Variants in CDKL3 observed in about 807,000 individuals in gnomAD.
CDKL3 encodes cyclin dependent kinase like 3.
In CDKL3, 65 loss-of-function variants were observed where a neutral mutation model predicts 69.3. The observed-to-expected ratio is 0.94, with a 90% CI of 0.77 to 1.15. The LOEUF is 1.15. Ranked by LOEUF, CDKL3 falls within the 50% of genes most tolerant of loss-of-function variation. CDKL3 has a pLI of 0.00. For synonymous variants in CDKL3, 202 were observed against 221.6 expected (o/e 0.91, Z 0.79); for missense variants, 652 against 689.2 (o/e 0.95, Z 0.61).
intron 8 of CDKL3, among the ~76,000 whole-genome samples, chr5:134,290,004 C>T (rs2149403865): frequency 6.6e-6 from 1 of 152,052 alleles, no homozygotes; most frequent in East Asian, 1.9e-4. Context: ...TTAATGTGTG[C>T]CAATATATGT....
intron 5 of CDKL3, among the ~76,000 whole-genome samples, chr5:134,320,902 A>T (rs1293623864): frequency 2.0e-5 from 3 of 151,932 alleles, no homozygotes; most frequent in Non-Finnish European, 1.5e-5. Flanking sequence ...TTTAAAATTT[A>T]AAAAACCCAC....
intron 9 of CDKL3, 99 bp downstream of exon 9, chr5:134,308,039 C>T (rs1039756482): frequency 6.9e-7 from 1 of 1,442,546 alleles, no homozygotes; most frequent in Non-Finnish European, 9.1e-7. Context: ...ATATTTTCTT[C>T]AAGTTCAGTT....
At chr5:134,340,755 G>C (rs1750285910) in intron 4 of CDKL3, among the ~76,000 whole-genome samples, 2 of 152,072 alleles carry the variant, frequency 1.3e-5, no homozygotes, top group Admixed American at 6.6e-5. Context: ...CCCAGGCCTA[G>C]ATGATGTCAC....
upstream of CDKL3, chr5:134,371,533 G>C (rs1054411665): frequency 1.8e-5 from 29 of 1,583,392 alleles, no homozygotes; most frequent in East Asian, 4.6e-5. Flanking sequence ...CGCCGCGCCG[G>C]GGGGTGGGGG....
intron 3 of CDKL3, among the ~76,000 whole-genome samples, chr5:134,352,401 A>G (rs1406332421): frequency 2.0e-5 from 3 of 151,808 alleles, no homozygotes; most frequent in Non-Finnish European, 4.4e-5. Context: ...CCTGGGTTCA[A>G]GAAATTCTCC....
intron 4 of CDKL3, among the ~76,000 whole-genome samples, chr5:134,327,941 T>C (rs1774811634): frequency 6.6e-6 from 1 of 152,112 alleles, no homozygotes; most frequent in Admixed American, 6.6e-5. Flanking sequence ...TAATACTGTG[T>C]GTGTGGGTTG....
At chr5:134,349,112 A>G (rs559300674) in intron 4 of CDKL3, among the ~76,000 whole-genome samples, 32 of 152,348 alleles carry the variant, frequency 2.1e-4, no homozygotes, top group African/African-American at 7.7e-4. Context: ...GAATGCTAAT[A>G]GTAGCAACTT....
chr5:134,339,380 C>T (rs754354278), intron 4 of CDKL3, among the ~76,000 whole-genome samples: 38 of 152,018 alleles, frequency 2.5e-4, no homozygotes, highest in Non-Finnish European at 4.9e-4. Flanking sequence ...CACAAGAAAA[C>T]TAAAAAGACT....
Position 134,347,882 on chromosome 5 carries a change from C to T in CDKL3, c.539+2367G>A, listed in dbSNP as rs74534708. Among the ~76,000 whole-genome samples the T allele has an allele frequency of 1.8e-4, 28 of 151,996 alleles. No individual in the cohort carries two copies. The East Asian group carries it at 5.2e-3, about 28-fold the overall frequency. ...TAGGCCTGGAAGGGTTGGGAGGAAA[C>T]GGAGAGTTACAGTGGGTACAGGGTT... is the stretch of plus-strand genomic sequence containing the variant. On this transcript the variant is annotated intron_variant, in intron 4 of 12. Transcript: ENST00000265334.
chr5:134,319,600 C>T, intron 5 of CDKL3, 103 bp from the exon 6 acceptor site: 1 of 966,580 alleles, frequency 1.0e-6, no homozygotes, highest in Non-Finnish European at 1.5e-6. Flanking sequence ...AAAACTGATA[C>T]AAGGAAGAAT....
At chr5:134,301,458 T>C (rs542232102) in intron 12 of CDKL3, among the ~76,000 whole-genome samples, 30 of 152,356 alleles carry the variant, frequency 2.0e-4, no homozygotes, top group African/African-American at 7.2e-4. Context: ...AGAGATCAAG[T>C]AGCCTTGTTA....
At chr5:134,332,906 T>C (rs1776158409) in intron 4 of CDKL3, among the ~76,000 whole-genome samples, 1 of 152,276 alleles carries the variant, frequency 6.6e-6, no homozygotes, top group Non-Finnish European at 1.5e-5. Context: ...TTTCACGATA[T>C]TGATTCTTCC....
chr5:134,341,940 T>A (rs780054468), intron 4 of CDKL3, among the ~76,000 whole-genome samples: 4 of 152,254 alleles, frequency 2.6e-5, no homozygotes, highest in Non-Finnish European at 4.4e-5. Context: ...TAATGCAGTC[T>A]GCTGCGGGCC....
At chr5:134,356,299 A>T (rs1465837148) in intron 3 of CDKL3, among the ~76,000 whole-genome samples, 1 of 152,254 alleles carries the variant, frequency 6.6e-6, no homozygotes, top group Non-Finnish European at 1.5e-5. Flanking sequence ...CTCAGGTGGT[A>T]ATGCGAGCAA....
intron 4 of CDKL3, among the ~76,000 whole-genome samples, chr5:134,327,899 C>T (rs1774801596): frequency 6.6e-6 from 1 of 152,186 alleles, no homozygotes; most frequent in Non-Finnish European, 1.5e-5. Flanking sequence ...CTACCCAAAG[C>T]TGTGCCTCCC....
chr5:134,294,409 T>C (rs1325700130), downstream of CDKL3, among the ~76,000 whole-genome samples: 1 of 152,086 alleles, frequency 6.6e-6, no homozygotes, highest in African/African-American at 2.4e-5. Flanking sequence ...TCATACTTAG[T>C]GGAATAAAAA....
chr5:134,290,105 C>T (rs916185886), intron 8 of CDKL3, among the ~76,000 whole-genome samples: 8 of 152,056 alleles, frequency 5.3e-5, no homozygotes, highest in Non-Finnish European at 1.2e-4. Context: ...CCCGTAATCC[C>T]AGCACTTTGG....
chr5:134,366,328 G>A (rs1455244653), intron 2 of CDKL3, 31 bp downstream of exon 2: 3 of 1,486,912 alleles, frequency 2.0e-6, no homozygotes, highest in South Asian at 1.3e-5. Flanking sequence ...TTTTTCTTTT[G>A]ACTTAGATGA....
At chr5:134,348,331 G>C (rs1752444612) in intron 4 of CDKL3, among the ~76,000 whole-genome samples, 1 of 152,182 alleles carries the variant, frequency 6.6e-6, no homozygotes. Context: ...GGGTTTTCTG[G>C]GGTGGTGGGC....
Sources: gnomAD v4.1 joint callset for allele counts (sites outside exome capture counted in the v4.1 genomes callset) on GRCh38, gnomAD v4.1.1 for gene constraint, MANE v1.5 for transcripts, NCBI Gene and HGNC (gene_info 2026-07-23, HGNC 2026-07-21) for gene names.